TECPR2: variants seen among roughly 807,000 people sequenced by gnomAD.
The protein encoded by TECPR2 is tectonin beta-propeller repeat-containing protein 2.
In TECPR2, 65 loss-of-function variants were observed where a neutral mutation model predicts 138.1. The observed-to-expected ratio is 0.47, with a 90% CI of 0.39 to 0.58. TECPR2 has a LOEUF of 0.58. Ranked by LOEUF, TECPR2 falls within the 20% of genes least tolerant of loss-of-function variation. TECPR2 has a pLI of 0.00. For synonymous variants in TECPR2, 746 were observed against 749.8 expected (o/e 0.99, Z 0.08); for missense variants, 1,553 against 1,824.5 (o/e 0.85, Z 2.71).
intron 17 of TECPR2, among the ~76,000 whole-genome samples, chr14:102,487,717 ATT>A (rs1567362223): frequency 6.7e-6 from 1 of 149,748 alleles, no homozygotes; most frequent in Non-Finnish European, 1.5e-5. Flanking sequence ...AATTTTTTGT[ATT>A]TTTAGTAGAG....
chr14:102,368,839 G>A (rs938336110), intron 1 of TECPR2, among the ~76,000 whole-genome samples: 1 of 152,148 alleles, frequency 6.6e-6, no homozygotes, highest in South Asian at 2.1e-4. Flanking sequence ...GTGAGGAGGC[G>A]CCAGGCTTGA....
chr14:102,474,259 C>A (rs1373343831), intron 17 of TECPR2, among the ~76,000 whole-genome samples: 1 of 151,930 alleles, frequency 6.6e-6, no homozygotes, highest in Non-Finnish European at 1.5e-5. Flanking sequence ...CAGAGCAAGA[C>A]CCTGTCTTAA....
chr14:102,407,719 G>A (rs773375682), intron 3 of TECPR2, among the ~76,000 whole-genome samples: 11 of 151,830 alleles, frequency 7.2e-5, no homozygotes, highest in Admixed American at 2.0e-4. Context: ...AAATTTGGCC[G>A]GGTGCAGTGG....
intron 1 of TECPR2, among the ~76,000 whole-genome samples, chr14:102,370,813 C>G (rs1217485534): frequency 6.6e-6 from 1 of 151,920 alleles, no homozygotes; most frequent in Non-Finnish European, 1.5e-5. Context: ...TAATGGTGGC[C>G]CGAGCTAGGG....
chr14:102,428,524 G>T (rs1889388336), intron 7 of TECPR2, 142 bp downstream of exon 7: 6 of 1,294,600 alleles, frequency 4.6e-6, no homozygotes, highest in Non-Finnish European at 6.4e-6. Context: ...ACTTTGGGAG[G>T]CTGAGGTGGG....
chr14:102,471,813 G>T (rs1248800482), intron 17 of TECPR2, among the ~76,000 whole-genome samples: 1 of 152,050 alleles, frequency 6.6e-6, no homozygotes, highest in Admixed American at 6.5e-5. Context: ...CCTCCTTTTG[G>T]TTTTCTTGCT....
At chr14:102,410,700 C>G (rs1231823314) in intron 4 of TECPR2, among the ~76,000 whole-genome samples, 3 of 152,182 alleles carry the variant, frequency 2.0e-5, no homozygotes, top group Non-Finnish European at 4.4e-5. Flanking sequence ...CTGTGCCCCC[C>G]CTCAAAAAAA....
At position 102,449,748 on chromosome 14, in the gene TECPR2, G is replaced by A; in HGVS notation, c.3195G>A (p.Leu1065=). The A allele has an allele frequency of 6.2e-7, 1 of 1,614,178 alleles. No individual in the cohort carries two copies. The highest frequency in any genetic ancestry group is 8.5e-7 in the Non-Finnish European group (1 of 1,180,048). The part of the protein sequence containing the change: ...QAPVEKVADK[L]RMAFWSQQLQ... The stretch of plus-strand genomic sequence containing the variant: ...CCGTAGAAAAGGTGGCAGATAAGCT[G>A]CGCATGGCGTTTTGGTCCCAGCAGC... Residue 1065 remains leucine, a synonymous_variant, in exon 14 of 20, where the codon CTG becomes CTA. Transcript: ENST00000359520.
At chr14:102,408,421 A>AT (rs2139694595) in intron 3 of TECPR2, 67 bp from the exon 4 acceptor site, 1 of 1,519,190 alleles carries the variant, frequency 6.6e-7, no homozygotes. Context: ...TACCTTTTCC[A>AT]TGTAGCCCCA....
At chr14:102,423,274 A>G (rs1889232330) in intron 5 of TECPR2, among the ~76,000 whole-genome samples, 1 of 152,016 alleles carries the variant, frequency 6.6e-6, no homozygotes, top group Non-Finnish European at 1.5e-5. Context: ...CTCTACTAAA[A>G]ATACACAGTT....
intron 1 of TECPR2, among the ~76,000 whole-genome samples, chr14:102,375,461 G>A (rs1887619674): frequency 6.6e-6 from 1 of 152,214 alleles, no homozygotes; most frequent in Admixed American, 6.5e-5. Context: ...GGGCACAATT[G>A]AGAAGGAGGA....
chr14:102,454,590 T>C (rs1452616112), intron 16 of TECPR2, among the ~76,000 whole-genome samples: 1 of 152,160 alleles, frequency 6.6e-6, no homozygotes, highest in Non-Finnish European at 1.5e-5. Context: ...GGCCTGAACA[T>C]TGGTGCTGAC....
At chr14:102,433,644 C>T (rs886244210) in intron 8 of TECPR2, among the ~76,000 whole-genome samples, 4 of 151,972 alleles carry the variant, frequency 2.6e-5, no homozygotes, top group Non-Finnish European at 5.9e-5. Flanking sequence ...CCTCAGCCTC[C>T]CGAGTAGCTG....
intron 3 of TECPR2, 147 bp downstream of exon 3, chr14:102,407,613 C>T: frequency 8.7e-7 from 1 of 1,143,122 alleles, no homozygotes; most frequent in East Asian, 3.1e-5. Flanking sequence ...CCTGTAATCC[C>T]AGTACTTTGG....
intron 13 of TECPR2, among the ~76,000 whole-genome samples, chr14:102,447,525 C>T (rs1285065722): frequency 6.6e-6 from 1 of 152,064 alleles, no homozygotes. Flanking sequence ...AGTCGATGGT[C>T]GTGAAATATT....
At chr14:102,437,161 T>C in intron 9 of TECPR2, 2 of 985,466 alleles carry the variant, frequency 2.0e-6, no homozygotes, top group Non-Finnish European at 2.4e-6. Context: ...AGTTAACTTC[T>C]ATGTGGGTAT....
At chr14:102,387,622 T>G (rs142410445) in intron 2 of TECPR2, among the ~76,000 whole-genome samples, 5,691 of 151,578 alleles carry the variant, frequency 0.038, 115 homozygotes, top group Middle Eastern at 0.082. Flanking sequence ...TGCCTCCCGG[T>G]TTCACATCAT....
intron 7 of TECPR2, among the ~76,000 whole-genome samples, chr14:102,429,810 CTG>C (rs1889416914): frequency 1.3e-5 from 2 of 152,310 alleles, no homozygotes; most frequent in South Asian, 4.1e-4. Context: ...AGGCTAAGCT[CTG>C]GACCTCTGCT....
At chr14:102,393,061 A>AGCTCCAGCTCCCCATCATCT (rs1219996755) in intron 2 of TECPR2, among the ~76,000 whole-genome samples, 1 of 152,180 alleles carries the variant, frequency 6.6e-6, no homozygotes, top group East Asian at 1.9e-4. Context: ...AGAGAATATC[A>AGCTCCAGCTCCCCATCATCT]GCTCCAGCTC....
Sources: gnomAD v4.1 joint callset for allele counts (sites outside exome capture counted in the v4.1 genomes callset) on GRCh38, gnomAD v4.1.1 for gene constraint, MANE v1.5 for transcripts, NCBI Gene and HGNC (gene_info 2026-07-23, HGNC 2026-07-21) for gene names.